KCNAB3: variants seen among roughly 807,000 people sequenced by gnomAD.
KCNAB3 encodes voltage-gated potassium channel subunit beta-3.
KCNAB3 carries 62 observed loss-of-function variants against 67.7 expected under a neutral mutation model. The ratio of observed to expected loss-of-function variants is 0.92; its 90% CI spans 0.75 to 1.13. KCNAB3 has a LOEUF of 1.13. KCNAB3 is among the 50% of genes most tolerant of loss of function. The probability of loss-of-function intolerance (pLI) is 0.00; values close to 1 mark genes in which losing one functional copy is unlikely to be tolerated. For missense variants in KCNAB3, 514 were observed against 522.9 expected, an observed-to-expected ratio of 0.98 and a Z score of 0.17; for synonymous variants, 212 against 205.4, an observed-to-expected ratio of 1.03 and a Z score of -0.27.
intron 1 of KCNAB3, among the ~76,000 whole-genome samples, chr17:7,928,936 G>A (rs970632761): frequency 2.6e-5 from 4 of 152,314 alleles, no homozygotes; most frequent in African/African-American, 9.6e-5. Flanking sequence ...CTTCCCAGGG[G>A]TAAGGAGGGA....
Position 7,924,400 on chromosome 17 carries a change from G to A in KCNAB3, c.711+15C>T, listed in dbSNP as rs371028022. 1.7e-3 allele frequency: 2,742 copies of A among 1,612,246 alleles called. 70 individuals carry two copies. In the South Asian group the frequency reaches 0.029, roughly 17 times the overall value. On this transcript the variant is annotated intron_variant, in intron 9 of 13. Coordinates refer to ENST00000303790, the MANE Select transcript of KCNAB3 (RefSeq NM_004732.4). ...CCAGTTGTGGGACAGGGGCAAGGTG[G>A]GGTCACACACTCACCATGATTTCTG...
In KCNAB3 at chr17:7,929,417, A is replaced by C. The variant is rs1972352605; in HGVS notation, c.19T>G (p.Cys7Gly). ...CGGCTGCGAAGGTTCTGCTCGGTAC[A>C]CGCGATAGACACCTGCATGCTGGCT... MQVSIA[C>G]TEQNLRSRSS... Residue 7 changes from cysteine (C) to glycine (G), a missense_variant, in exon 1 of 14, where the codon TGT becomes GGT. Physicochemically the swap from Cys to Gly is radical, Grantham distance 159 (BLOSUM62 -3). Coordinates refer to ENST00000303790, the MANE Select transcript of KCNAB3 (RefSeq NM_004732.4). This position sits in a 1 kb window ranked among gnomAD's most constrained non-coding sequence, Gnocchi z 5.7. 3 of 1,542,134 alleles carry C rather than the reference A, an allele frequency of 1.9e-6. No individual in the cohort carries two copies. The highest frequency in any genetic ancestry group is 2.6e-6 in the Non-Finnish European group (3 of 1,143,502).
rs1161261752 is a variant in KCNAB3, at chr17:7,929,851, C to T, written c.-416G>A. On this transcript the variant is annotated 5_prime_UTR_variant, in exon 1 of 14. Transcript: ENST00000303790. This position sits in a 1 kb window ranked among gnomAD's most constrained non-coding sequence, Gnocchi z 5.7. ...CTCCCAGCCGCGTCGGCAGCGGGCCCAGCTCATCAGCATGCAGGCACCGCC... is the reference window on the plus strand; with the variant it reads ...CTCCCAGCCGCGTCGGCAGCGGGCCTAGCTCATCAGCATGCAGGCACCGCC... 5 of 1,076,526 alleles carry T rather than the reference C, an allele frequency of 4.6e-6. No homozygotes were observed. Among genetic ancestry groups the T allele is most frequent in the Non-Finnish European group, 5.6e-6 (5 of 886,254 alleles). 66.7% of individuals were successfully genotyped at this position (1,076,526 alleles called of 1,614,324 possible). A position where few individuals can be genotyped will look rare whatever the true frequency, so the allele number is the denominator to read the frequency against.
chr17:7,923,097 A>G lies in KCNAB3; in HGVS notation c.*5T>C, dbSNP rs759449060. The G allele has an allele frequency of 7.4e-6, 12 of 1,614,058 alleles. No individual in the cohort carries two copies. In the South Asian group the frequency reaches 1.3e-4, roughly 18 times the overall value. ...ACCGGGTTGGGTCCCTGCGCCCGCG[A>G]CAGACTACTTCTTGGAATGCGGCTT... On this transcript the variant is annotated 3_prime_UTR_variant, in exon 14 of 14. Coordinates refer to ENST00000303790, the MANE Select transcript of KCNAB3 (RefSeq NM_004732.4).
At chr17:7,924,933 A>G in intron 8 of KCNAB3, 164 bp downstream of exon 8, 1 of 629,646 alleles carries the variant, frequency 1.6e-6, no homozygotes, top group South Asian at 2.0e-5. Context: ...TTTTGTAGAG[A>G]CAGGGTCTTG....
chr17:7,929,378 G>A lies in KCNAB3; in HGVS notation c.58C>T (p.Arg20Cys). The change falls in exon 1 of 14, where the codon CGT becomes TGT. Residue 20 changes from arginine to cysteine, a missense_variant. Physicochemically the swap from Arg to Cys is radical, Grantham distance 180. Transcript: ENST00000303790. This position sits in a 1 kb window ranked among gnomAD's most constrained non-coding sequence, Gnocchi z 5.7. ...QNLRSRSSEDRLCGPRPGPGG... is the reference protein window; with the variant it reads ...QNLRSRSSEDCLCGPRPGPGG... ...GGGCCCGGCCGGGGTCCACACAGACGGTCCTCACTGCTCCGGCTGCGAAGG... is the reference window on the plus strand; with the variant it reads ...GGGCCCGGCCGGGGTCCACACAGACAGTCCTCACTGCTCCGGCTGCGAAGG... 1.3e-6 allele frequency: 2 copies of A among 1,548,848 alleles called. No homozygotes were observed. Among genetic ancestry groups the A allele is most frequent in the South Asian group, 1.2e-5 (1 of 84,048 alleles).
chr17:7,925,053 G>A lies in KCNAB3; in HGVS notation c.625+44C>T, dbSNP rs370587797. On this transcript the variant is annotated intron_variant, in intron 8 of 13. Coordinates refer to ENST00000303790, the MANE Select transcript of KCNAB3 (RefSeq NM_004732.4). ...GAGCCACCGCACCCAGCAAGGAAGT[G>A]CTCAGTTTTGAAGGACTGTAAGGTT... is the stretch of plus-strand genomic sequence containing the variant. The A allele has an allele frequency of 2.6e-6, 4 of 1,562,142 alleles. No individual in the cohort carries two copies. In the African/African-American group the frequency reaches 4.1e-5, roughly 16 times the overall value.
Position 7,925,743 on chromosome 17 carries a change from G to A in KCNAB3, c.495-17C>T. On this transcript the variant is annotated splice_polypyrimidine_tract_variant and intron_variant, in intron 6 of 13. Transcript: ENST00000303790. ...GTTTCTGCCCTGTAGGAAAAGGTAA[G>A]TCAAAGATGAGATGTGACAAAGATA... 1.9e-6 allele frequency: 3 copies of A among 1,614,036 alleles called. No individual in the cohort carries two copies. The highest frequency in any genetic ancestry group is 2.5e-6 in the Non-Finnish European group (3 of 1,179,974).
chr17:7,923,523 C>T lies in KCNAB3; in HGVS notation c.1070G>A (p.Gly357Asp). 1 of 1,611,748 alleles carries T rather than the reference C, an allele frequency of 6.2e-7. No homozygotes were observed. The highest frequency in any genetic ancestry group is 8.5e-7 in the Non-Finnish European group (1 of 1,179,022). ...CACCCCCAGCAAGACAGAGCTGACA[C>T]CCTCACTGCGGAGACACCACGCTGG... ...LAIAWCLRSE[G>D]VSSVLLGVSS... is the part of the protein sequence containing the mutation. The change falls in exon 13 of 14, where the codon GGT (glycine) becomes GAT (aspartate). Residue 357 changes from glycine to aspartate, a missense_variant. By Grantham distance (94) the Gly-to-Asp change is moderately conservative. Transcript: ENST00000303790.
At position 7,923,709 on chromosome 17, in the gene KCNAB3, AC is replaced by A; in HGVS notation, c.1048+1del. On this transcript the variant is annotated splice_donor_variant, in intron 12 of 13. Transcript: ENST00000303790. LOFTEE classifies it high-confidence loss of function. ...GGGCCCCTGCAGGGTGCAATGTCTC[AC>A]CAATAGCAAGCTGGGCCACGGTGCA... The A allele has an allele frequency of 6.4e-7, 1 of 1,558,542 alleles. No individual in the cohort carries two copies.
rs1482778918 is a variant in KCNAB3, at chr17:7,923,488, C to T, written c.1105G>A (p.Glu369Lys). 6.2e-7 allele frequency: 1 copy of T among 1,612,544 alleles called. No homozygotes were observed. The highest frequency in any genetic ancestry group is 8.5e-7 in the Non-Finnish European group (1 of 1,179,378). Residue 369 changes from glutamate (E) to lysine (K), a missense_variant, in exon 13 of 14, where the codon GAG (glutamate) becomes AAG (lysine). By Grantham distance (56) the Glu-to-Lys change is moderately conservative (BLOSUM62 1). Transcript: ENST00000303790. The stretch of plus-strand genomic sequence containing the variant: ...GCGCCCAGGTGTTCTATCAACTGCT[C>T]CGCACTCGACACCCCCAGCAAGACA... ...SSVLLGVSSA[E>K]QLIEHLGALQ... is the part of the protein sequence containing the mutation.
chr17:7,927,563 T>C, intron 3 of KCNAB3, 94 bp downstream of exon 3: 1 of 1,546,728 alleles, frequency 6.5e-7, no homozygotes. Flanking sequence ...CCTCATTCCC[T>C]GTGCTTGTTG....
Position 7,929,292 on chromosome 17 carries a change from C to A in KCNAB3, c.144G>T (p.Gly48=). Residue 48 remains glycine (G), a synonymous_variant, in exon 1 of 14, where the codon GGG becomes GGT. Transcript: ENST00000303790. This position sits in a 1 kb window ranked among gnomAD's most constrained non-coding sequence, Gnocchi z 5.7. ...GGHGNPPGGG[G]SGPKARAALV... ...GTGCAGCTCGGGCCTTGGGGCCAGA[C>A]CCTCCACCCCCCGGAGGATTCCCGT... 6.3e-7 allele frequency: 1 copy of A among 1,578,174 alleles called. No homozygotes were observed. Among genetic ancestry groups the A allele is most frequent in the Non-Finnish European group, 8.6e-7 (1 of 1,162,682 alleles).
intron 8 of KCNAB3, 36 bp from the exon 9 acceptor site, chr17:7,924,536 A>G: frequency 1.3e-6 from 2 of 1,579,486 alleles, no homozygotes; most frequent in South Asian, 2.3e-5. Context: ...TTACTGTCAG[A>G]GCCCTGGAAT....
chr17:7,929,143 G>T lies in KCNAB3; in HGVS notation c.242+51C>A. 3 of 1,602,460 alleles carry T rather than the reference G, an allele frequency of 1.9e-6. No homozygotes were observed. The highest frequency in any genetic ancestry group is 2.2e-5 in the East Asian group (1 of 44,784). On this transcript the variant is annotated intron_variant, in intron 1 of 13. Coordinates refer to ENST00000303790, the MANE Select transcript of KCNAB3 (RefSeq NM_004732.4). This position sits in a 1 kb window ranked among gnomAD's most constrained non-coding sequence, Gnocchi z 5.7. ...TTGGCGGCCATCTCAAGCAGTCTCAGGGGTCCCGAAAGGAAAGCGGAAGGG... is the reference window on the plus strand; with the variant it reads ...TTGGCGGCCATCTCAAGCAGTCTCATGGGTCCCGAAAGGAAAGCGGAAGGG...
At position 7,929,075 on chromosome 17, in the gene KCNAB3, G is replaced by C; in HGVS notation, c.242+119C>G. 7.0e-6 allele frequency: 10 copies of C among 1,422,466 alleles called. No individual in the cohort carries two copies. Among genetic ancestry groups the C allele is most frequent in the Non-Finnish European group, 9.4e-6 (10 of 1,060,808 alleles). 88.1% of individuals were successfully genotyped at this position (1,422,466 alleles called of 1,614,324 possible). ...GGGAGTGCCAGAGACAGAAAGAAGA[G>C]ATGGAAAGAAGGGAGACCTACTTAG... On this transcript the variant is annotated intron_variant, in intron 1 of 13. Coordinates refer to ENST00000303790, the MANE Select transcript of KCNAB3 (RefSeq NM_004732.4). The surrounding 1 kb of genome is among the most constrained non-coding windows in gnomAD (Gnocchi z 5.7).
Position 7,925,138 on chromosome 17 carries a change from A to T in KCNAB3, c.584T>A (p.Ile195Asn). 6.2e-7 allele frequency: 1 copy of T among 1,613,816 alleles called. No individual in the cohort carries two copies. Among genetic ancestry groups the T allele is most frequent in the Non-Finnish European group, 8.5e-7 (1 of 1,179,814 alleles). ...GGGGTCTGAGCGATTGGCAAAGACA[A>T]TGTCCACGTATCCCAGCTGGAGGCG... ...LERLQLGYVD[I>N]VFANRSDPNC... Residue 195 changes from isoleucine (I) to asparagine (N), a missense_variant, in exon 8 of 14, where the codon ATT becomes AAT. Coordinates refer to ENST00000303790, the MANE Select transcript of KCNAB3 (RefSeq NM_004732.4).
At chr17:7,925,215 A>C in intron 7 of KCNAB3, 32 bp from the exon 8 acceptor site, 1 of 1,571,116 alleles carries the variant, frequency 6.4e-7, no homozygotes, top group Non-Finnish European at 8.8e-7. Context: ...GAAAATAAGC[A>C]CCTCAGCTTC....
intron 8 of KCNAB3, chr17:7,924,772 T>A: frequency 3.0e-6 from 3 of 997,452 alleles, no homozygotes; most frequent in Non-Finnish European, 4.0e-6. Context: ...AGACAGGGTC[T>A]CACTCTGTCA....
Sources: allele counts gnomAD v4.1 joint callset (sites outside exome capture counted in the v4.1 genomes callset), GRCh38; gene constraint gnomAD v4.1.1; non-coding constraint Gnocchi (gnomAD v3.1); transcripts MANE v1.5; gene names NCBI Gene and HGNC (gene_info 2026-07-23, HGNC 2026-07-21).